Variants in CNTNAP3B observed in about 807,000 individuals in gnomAD.
CNTNAP3B encodes contactin-associated protein-like 3B.
In CNTNAP3B, 25 loss-of-function variants were observed where a neutral mutation model predicts 108.9. The observed-to-expected ratio is 0.23, with a 90% confidence interval of 0.17 to 0.32. CNTNAP3B has a LOEUF of 0.32. CNTNAP3B is among the 10% of genes least tolerant of loss of function. The pLI, the probability that CNTNAP3B is intolerant of heterozygous loss-of-function variation, is 1.00. For missense variants in CNTNAP3B, 252 were observed against 1,210.4 expected, an observed-to-expected ratio of 0.21 and a Z score of 11.75; for synonymous variants, 103 against 473.4, an observed-to-expected ratio of 0.22 and a Z score of 10.16.
intron 9 of CNTNAP3B, among the ~76,000 whole-genome samples, chr9:41,971,326 GA>G (rs532983968): frequency 6.3e-3 from 555 of 88,038 alleles, no homozygotes; most frequent in African/African-American, 0.026. Context: ...TCTAGTTAAA[GA>G]AAACACAATA....
intron 14 of CNTNAP3B, among the ~76,000 whole-genome samples, chr9:41,932,353 G>A (rs1464781692): frequency 1.0e-3 from 156 of 151,924 alleles, no homozygotes; most frequent in African/African-American, 2.9e-3. Flanking sequence ...AAATTCCTAC[G>A]GTTCTGGAAA....
In CNTNAP3B at chr9:42,080,498, A is replaced by G. The variant is rs527863411; in HGVS notation, c.197-3436T>C. On this transcript the variant is annotated intron_variant, in intron 2 of 23. Coordinates refer to ENST00000377561, the MANE Select transcript of CNTNAP3B (RefSeq NM_001201380.3). ...GAAACACAGCGTGACTGACCTGTGC[A>G]CTGCTGGATAGCACTAATCTGTGTG... is the stretch of plus-strand genomic sequence containing the variant. 1.4e-5 allele frequency among the ~76,000 whole-genome samples: 2 copies of G among 138,082 alleles called. 1 individual carries two copies. Among genetic ancestry groups the G allele is most frequent in the South Asian group, 4.7e-4 (2 of 4,238 alleles). 90.6% of individuals were successfully genotyped at this position (138,082 alleles called of 152,430 possible).
chr9:41,994,513 T>G, intron 7 of CNTNAP3B: 1 of 92,606 alleles, frequency 1.1e-5, no homozygotes, highest in Non-Finnish European at 2.0e-5. Flanking sequence ...TTGTTATCAC[T>G]CTTCCCTTTG....
At chr9:42,127,750 A>C (rs979354568) in intron 1 of CNTNAP3B, among the ~76,000 whole-genome samples, 4 of 139,350 alleles carry the variant, frequency 2.9e-5, no homozygotes, top group African/African-American at 1.1e-4. Flanking sequence ...AGGGCACACC[A>C]AGTGTAGGAT....
At chr9:42,125,484 A>G (rs1236254122) in intron 1 of CNTNAP3B, among the ~76,000 whole-genome samples, 1 of 141,168 alleles carries the variant, frequency 7.1e-6, no homozygotes, top group Non-Finnish European at 1.5e-5. Context: ...CTTGGACTGA[A>G]TTGTTCAAAA....
intron 13 of CNTNAP3B, among the ~76,000 whole-genome samples, chr9:41,945,002 G>GA (rs1824481859): frequency 2.0e-5 from 3 of 151,554 alleles, no homozygotes; most frequent in Admixed American, 2.0e-4. Flanking sequence ...GCAGCCAACA[G>GA]ACACATGAAA....
At chr9:41,934,176 TACACACACACAC>T (rs1273718365) in intron 14 of CNTNAP3B, among the ~76,000 whole-genome samples, 14 of 106,104 alleles carry the variant, frequency 1.3e-4, no homozygotes, top group East Asian at 5.3e-4. Flanking sequence ...CACATATATA[TACACACACACAC>T]ATATATATAT....
intron 1 of CNTNAP3B, among the ~76,000 whole-genome samples, chr9:42,108,352 C>A (rs1236420194): frequency 7.3e-6 from 1 of 136,856 alleles, no homozygotes; most frequent in East Asian, 2.2e-4. Flanking sequence ...TATTATTGTT[C>A]TCCTAGAAGA....
intron 6 of CNTNAP3B, among the ~76,000 whole-genome samples, chr9:41,997,249 G>A (rs1165089274): frequency 1.3e-5 from 2 of 151,668 alleles, no homozygotes; most frequent in South Asian, 2.1e-4. Context: ...CAAACAACAA[G>A]TGTAATATAC....
At position 42,124,070 on chromosome 9, in the gene CNTNAP3B, A is replaced by G. The variant is rs1169008913; in HGVS notation, c.85+4940T>C. Among the ~76,000 whole-genome samples, 7 of 137,652 alleles carry G rather than the reference A, an allele frequency of 5.1e-5. 2 individuals are homozygous for G. Among genetic ancestry groups the G allele is most frequent in the African/African-American group, 2.0e-4 (7 of 34,432 alleles). 90.3% of individuals were successfully genotyped at this position (137,652 alleles called of 152,430 possible). A position where few individuals can be genotyped will look rare whatever the true frequency, so the allele number is the denominator to read the frequency against. On this transcript the variant is annotated intron_variant, in intron 1 of 23. Coordinates refer to ENST00000377561, the MANE Select transcript of CNTNAP3B (RefSeq NM_001201380.3). ...TAGACCACGTCTTCTTGGTAATTTAATTCTTAGCAATAATTTTAATTGCTG... is the reference window on the plus strand; with the variant it reads ...TAGACCACGTCTTCTTGGTAATTTAGTTCTTAGCAATAATTTTAATTGCTG...
rs1440098406 is a variant in CNTNAP3B, at chr9:42,129,316, C to T, written c.-222G>A. 6 of 494,386 alleles carry T rather than the reference C, an allele frequency of 1.2e-5. 1 individual carries two copies. In the African/African-American group the frequency reaches 1.5e-4, roughly 12 times the overall value. 30.6% of individuals were successfully genotyped at this position (494,386 alleles called of 1,614,324 possible). Reference sequence around the variant, plus strand: ...CCGGCCCCAGCTGCGTCTCCGAGGTCGGCCCCGCGGGAGCCTGGGGGCCGC... The same window carrying T: ...CCGGCCCCAGCTGCGTCTCCGAGGTTGGCCCCGCGGGAGCCTGGGGGCCGC... On this transcript the variant is annotated 5_prime_UTR_variant, in exon 1 of 24. Transcript: ENST00000377561.
chr9:41,999,495 C>G (rs1375947707), intron 4 of CNTNAP3B, among the ~76,000 whole-genome samples: 1 of 97,456 alleles, frequency 1.0e-5, no homozygotes, highest in Non-Finnish European at 2.0e-5. Context: ...TCCTTACAAT[C>G]AGGTAAGCCA....
At chr9:41,944,571 G>T (rs1195560895) in intron 13 of CNTNAP3B, among the ~76,000 whole-genome samples, 1 of 152,200 alleles carries the variant, frequency 6.6e-6, no homozygotes, top group Non-Finnish European at 1.5e-5. Flanking sequence ...GTGAGGATAT[G>T]GAATCATATA....
At chr9:42,115,015 C>G (rs989294415) in intron 1 of CNTNAP3B, among the ~76,000 whole-genome samples, 3 of 136,662 alleles carry the variant, frequency 2.2e-5, no homozygotes, top group Admixed American at 2.2e-4. Flanking sequence ...GATTGTGCCA[C>G]TGCTCTCCAG....
intron 1 of CNTNAP3B, among the ~76,000 whole-genome samples, chr9:42,123,006 CT>C (rs1443371430): frequency 1.7e-5 from 2 of 116,882 alleles, no homozygotes; most frequent in Non-Finnish European, 3.5e-5. Flanking sequence ...AAGCATGTAG[CT>C]GTATGTGTGT....
chr9:41,996,962 T>C (rs1825909646), intron 6 of CNTNAP3B, among the ~76,000 whole-genome samples: 1 of 46,966 alleles, frequency 2.1e-5, no homozygotes, highest in Non-Finnish European at 4.0e-5. Context: ...TGGTTTGTTC[T>C]GATCCTTCAT....
intron 18 of CNTNAP3B, among the ~76,000 whole-genome samples, chr9:41,917,363 A>C (rs1377232246): frequency 7.1e-6 from 1 of 141,148 alleles, no homozygotes; most frequent in Non-Finnish European, 1.5e-5. Context: ...TTAATTGCTT[A>C]CTGCCAATAT....
chr9:42,125,760 G>A lies in CNTNAP3B; in HGVS notation c.85+3250C>T, dbSNP rs564525592. Among the ~76,000 whole-genome samples, 21 of 131,018 alleles carry A rather than the reference G, an allele frequency of 1.6e-4. 4 individuals carry two copies. The highest frequency in any genetic ancestry group is 6.6e-4 in the African/African-American group (21 of 31,984). The allele number at this position is 131,018 out of a possible 152,430, so 86.0% of individuals were successfully genotyped here. ...ATCTCAGCTCACTGCCTCCTCACAG[G>A]CACCTGCCACCATGCCCTGAAATTT... On this transcript the variant is annotated intron_variant, in intron 1 of 23. Coordinates refer to ENST00000377561, the MANE Select transcript of CNTNAP3B (RefSeq NM_001201380.3).
At chr9:41,923,516 C>A (rs915725836) in intron 16 of CNTNAP3B, among the ~76,000 whole-genome samples, 3 of 152,250 alleles carry the variant, frequency 2.0e-5, no homozygotes, top group Admixed American at 6.5e-5. Flanking sequence ...AATCCCAGCA[C>A]TTTGGGAACC....
Sources: gnomAD v4.1 joint callset for allele counts (sites outside exome capture counted in the v4.1 genomes callset) on GRCh38, gnomAD v4.1.1 for gene constraint, MANE v1.5 for transcripts, NCBI Gene and HGNC (gene_info 2026-07-23, HGNC 2026-07-21) for gene names.